PTPRA: variants seen among roughly 807,000 people sequenced by gnomAD.
PTPRA encodes the protein protein tyrosine phosphatase receptor type A.
In PTPRA, 25 loss-of-function variants were observed where a neutral mutation model predicts 104.8. The observed-to-expected ratio is 0.24, with a 90% CI of 0.17 to 0.33. PTPRA has a LOEUF of 0.33. Ranked by LOEUF, PTPRA falls within the 10% of genes least tolerant of loss-of-function variation. The probability of loss-of-function intolerance (pLI) is 1.00; values close to 1 mark genes in which losing one functional copy is unlikely to be tolerated. For missense variants in PTPRA, 765 were observed against 1,015.3 expected, an observed-to-expected ratio of 0.75 and a Z score of 3.35; for synonymous variants, 323 against 368.9, an observed-to-expected ratio of 0.88 and a Z score of 1.43.
chr20:2,882,833 T>C (rs533493), intron 1 of PTPRA, among the ~76,000 whole-genome samples: 16,904 of 152,218 alleles, frequency 0.11, 1,137 homozygotes, highest in African/African-American at 0.16. Flanking sequence ...TTGAGTCCAC[T>C]TATTTGTTAA....
chr20:2,997,542 A>T (rs1169740635), intron 9 of PTPRA, among the ~76,000 whole-genome samples: 2 of 152,210 alleles, frequency 1.3e-5, no homozygotes, highest in East Asian at 3.8e-4. Context: ...CATGGGGGTG[A>T]ATAACTAAAG....
At chr20:3,026,084 T>C (rs2065129563) in intron 17 of PTPRA, among the ~76,000 whole-genome samples, 1 of 151,770 alleles carries the variant, frequency 6.6e-6, no homozygotes, top group South Asian at 2.1e-4. Context: ...TAGCTGGGTC[T>C]ACAGGCACGT....
intron 3 of PTPRA, among the ~76,000 whole-genome samples, chr20:2,963,767 G>A (rs1269469596): frequency 6.6e-6 from 1 of 152,088 alleles, no homozygotes; most frequent in African/African-American, 2.4e-5. Flanking sequence ...GACTAGGTGT[G>A]GGAGCTCACA....
intron 20 of PTPRA, among the ~76,000 whole-genome samples, chr20:3,032,573 C>A (rs758935991): frequency 1.5e-4 from 23 of 151,568 alleles, no homozygotes; most frequent in South Asian, 8.4e-4. Flanking sequence ...CGAGACCAGC[C>A]TGGCCAACAT....
intron 6 of PTPRA, among the ~76,000 whole-genome samples, chr20:2,983,075 G>A (rs996834869): frequency 5.3e-5 from 8 of 152,226 alleles, no homozygotes; most frequent in Admixed American, 6.5e-5. Context: ...CATTTAATAC[G>A]CAGAATAACT....
Position 2,965,088 on chromosome 20 carries a change from A to C in PTPRA, c.301A>C (p.Ile101Leu), listed in dbSNP as rs755596985. The C allele has an allele frequency of 1.2e-6, 2 of 1,614,076 alleles. No homozygotes were observed. The highest frequency in any genetic ancestry group is 2.2e-5 in the South Asian group (2 of 91,076). The change falls in exon 5 of 24, where the codon ATT becomes CTT. Residue 101 changes from isoleucine to leucine, a missense_variant. Physicochemically the swap from Ile to Leu is conservative, Grantham distance 5. This residue lies in a region of PTPRA where 256 missense variants were observed against 248.9 expected (regional missense o/e 1.03). Transcript: ENST00000399903. ...TASTNSIGIT[I>L]SPNGTWLPDN... Reference sequence around the variant, plus strand: ...AAGCACCAATTCTATAGGCATTACAATTTCACCAAATGGAACGTGGCTTCC... The same window carrying C: ...AAGCACCAATTCTATAGGCATTACACTTTCACCAAATGGAACGTGGCTTCC...
intron 9 of PTPRA, among the ~76,000 whole-genome samples, chr20:2,989,978 C>T (rs1449328033): frequency 6.6e-6 from 1 of 152,156 alleles, no homozygotes; most frequent in Non-Finnish European, 1.5e-5. Flanking sequence ...GATCATGCTA[C>T]TGCACTGCAG....
In PTPRA at chr20:3,022,793, G is replaced by A. The variant is rs2064944437; in HGVS notation, c.1433G>A (p.Arg478Gln). The A allele has an allele frequency of 4.3e-6, 7 of 1,614,034 alleles. No homozygotes were observed. The highest frequency in any genetic ancestry group is 1.1e-5 in the South Asian group (1 of 91,086). ...VDVYGFVSRI[R>Q]AQRCQMVQTD... Reference sequence around the variant, plus strand: ...GTGTATGGCTTTGTGAGCCGGATCCGGGCACAGCGCTGCCAGATGGTGCAA... The same window carrying A: ...GTGTATGGCTTTGTGAGCCGGATCCAGGCACAGCGCTGCCAGATGGTGCAA... Residue 478 changes from arginine to glutamine, a missense_variant, in exon 16 of 24, where the codon CGG (arginine) becomes CAG (glutamine). Transcript: ENST00000399903. This position sits in a 1 kb window ranked among gnomAD's most constrained non-coding sequence, Gnocchi z 4.6.
intron 5 of PTPRA, among the ~76,000 whole-genome samples, chr20:2,970,673 T>C (rs1488751702): frequency 3.9e-5 from 6 of 152,238 alleles, no homozygotes; most frequent in African/African-American, 9.6e-5. Flanking sequence ...GCAGAAGATA[T>C]CATTAGCTAT....
chr20:2,866,994 G>A, the PTPRA span, among the ~76,000 whole-genome samples: 4 of 152,268 alleles, frequency 2.6e-5, no homozygotes, highest in Admixed American at 1.3e-4. Flanking sequence ...AGCATTCTGT[G>A]TGTGTGCGTG....
At chr20:2,945,820 T>C (rs907562480) in intron 2 of PTPRA, among the ~76,000 whole-genome samples, 4 of 151,772 alleles carry the variant, frequency 2.6e-5, no homozygotes, top group Non-Finnish European at 5.9e-5. Flanking sequence ...TCCCAGCTAC[T>C]CGAGAGGCTG....
chr20:2,996,385 G>A (rs1050728081), intron 9 of PTPRA, among the ~76,000 whole-genome samples: 2 of 152,186 alleles, frequency 1.3e-5, no homozygotes, highest in Non-Finnish European at 2.9e-5. Flanking sequence ...GAGAAGAGGA[G>A]AAATAACACA....
At chr20:2,986,054 G>T (rs138178661) in intron 6 of PTPRA, among the ~76,000 whole-genome samples, 3 of 152,018 alleles carry the variant, frequency 2.0e-5, no homozygotes, top group East Asian at 1.9e-4. Context: ...GACTATAGGC[G>T]CACATCACCA....
At chr20:2,911,245 C>T (rs1361040585) in intron 1 of PTPRA, among the ~76,000 whole-genome samples, 5 of 152,206 alleles carry the variant, frequency 3.3e-5, no homozygotes, top group Admixed American at 6.5e-5. Context: ...TGATGTTTGG[C>T]ATAGGTGTTA....
chr20:2,946,250 C>T (rs1304218544), intron 2 of PTPRA, among the ~76,000 whole-genome samples: 1 of 152,014 alleles, frequency 6.6e-6, no homozygotes, highest in Non-Finnish European at 1.5e-5. Flanking sequence ...TTGAGATTGA[C>T]TTAGAACTGT....
chr20:2,922,766 C>G (rs960517312), intron 1 of PTPRA, among the ~76,000 whole-genome samples: 5 of 152,010 alleles, frequency 3.3e-5, no homozygotes, highest in Non-Finnish European at 7.4e-5. Flanking sequence ...TCCTGAACAG[C>G]TGAGATTAGA....
At chr20:2,951,449 T>C (rs2061351434) in intron 3 of PTPRA, among the ~76,000 whole-genome samples, 1 of 152,152 alleles carries the variant, frequency 6.6e-6, no homozygotes. Flanking sequence ...CTAGAGACAG[T>C]GAATAACTCA....
chr20:3,026,631 C>A, intron 17 of PTPRA, 56 bp from the exon 18 acceptor site: 1 of 1,404,990 alleles, frequency 7.1e-7, no homozygotes, highest in Non-Finnish European at 1.0e-6. Flanking sequence ...CAGGCATAAT[C>A]TTGTCAAGTT....
intron 1 of PTPRA, among the ~76,000 whole-genome samples, chr20:2,915,847 G>A (rs1043491729): frequency 4.6e-5 from 7 of 152,116 alleles, no homozygotes; most frequent in Non-Finnish European, 5.9e-5. Context: ...AGCCTATGGC[G>A]TGTGCCTGTT....
Sources: gnomAD v4.1 joint callset for allele counts (sites outside exome capture counted in the v4.1 genomes callset) on GRCh38, gnomAD v4.1.1 for gene constraint, gnomAD v4.1.1 regional missense constraint, Gnocchi (gnomAD v3.1) non-coding constraint, MANE v1.5 for transcripts, NCBI Gene and HGNC (gene_info 2026-07-23, HGNC 2026-07-21) for gene names.